Variants in GPHN observed in about 807,000 individuals in gnomAD.
The protein encoded by GPHN is gephyrin.
GPHN carries 17 observed loss-of-function variants against 95.5 expected under a neutral mutation model. The observed-to-expected ratio is 0.18, with a 90% CI of 0.12 to 0.27. The LOEUF (loss-of-function observed/expected upper bound fraction) is 0.27. Among genes scored for constraint, GPHN ranks in the 10% least tolerant of loss-of-function variants. The probability of loss-of-function intolerance (pLI) is 1.00; values close to 1 mark genes in which losing one functional copy is unlikely to be tolerated. For missense variants in GPHN, 660 were observed against 978.1 expected, an observed-to-expected ratio of 0.67 and a Z score of 4.34; for synonymous variants, 320 against 322.5, an observed-to-expected ratio of 0.99 and a Z score of 0.08.
At chr14:67,017,338 G>A (rs2073370904) in intron 9 of GPHN, among the ~76,000 whole-genome samples, 1 of 152,072 alleles carries the variant, frequency 6.6e-6, no homozygotes, top group African/African-American at 2.4e-5. Flanking sequence ...GAAATAGAAT[G>A]TAAGAGTCTA....
At chr14:66,889,803 AAT>A (rs1341779624) in intron 5 of GPHN, among the ~76,000 whole-genome samples, 2 of 152,086 alleles carry the variant, frequency 1.3e-5, no homozygotes, top group Non-Finnish European at 2.9e-5. Flanking sequence ...ATCAAAAAAC[AAT>A]AGAGAAAATC....
the GPHN span, among the ~76,000 whole-genome samples, chr14:67,192,687 A>T: frequency 3.3e-5 from 5 of 151,680 alleles, no homozygotes; most frequent in Non-Finnish European, 5.9e-5. Flanking sequence ...AAATAGCTTG[A>T]CACCATGATT....
intron 9 of GPHN, among the ~76,000 whole-genome samples, chr14:66,978,807 GA>G (rs2070440702): frequency 6.6e-6 from 1 of 152,106 alleles, no homozygotes; most frequent in Admixed American, 6.5e-5. Context: ...TCAATTATAG[GA>G]ATTACTATAT....
chr14:67,640,274 G>A, the GPHN span, among the ~76,000 whole-genome samples: 1 of 152,026 alleles, frequency 6.6e-6, no homozygotes, highest in South Asian at 2.1e-4. Flanking sequence ...CCTTTTATAT[G>A]ACTATTTCTT....
At chr14:67,722,259 C>T in the GPHN span, among the ~76,000 whole-genome samples, 3 of 152,158 alleles carry the variant, frequency 2.0e-5, no homozygotes, top group South Asian at 6.2e-4. Flanking sequence ...TCTATATATT[C>T]CATCTTGCAG....
intron 16 of GPHN, among the ~76,000 whole-genome samples, chr14:67,120,370 T>A (rs2078953501): frequency 6.6e-6 from 1 of 152,230 alleles, no homozygotes; most frequent in Admixed American, 6.5e-5. Context: ...AGCCTTATAC[T>A]CTTCCATTTA....
the GPHN span, chr14:67,340,253 G>C: frequency 5.5e-6 from 3 of 544,952 alleles, no homozygotes; most frequent in Non-Finnish European, 9.7e-6. Context: ...CATGTTATAG[G>C]TACATGTAAA....
At chr14:67,712,053 G>A in the GPHN span, among the ~76,000 whole-genome samples, 4 of 152,044 alleles carry the variant, frequency 2.6e-5, no homozygotes, top group Non-Finnish European at 4.4e-5. Flanking sequence ...CTGAGTAGTT[G>A]GGATTACAGA....
intron 1 of GPHN, among the ~76,000 whole-genome samples, chr14:66,543,974 C>G (rs1164082230): frequency 6.6e-6 from 1 of 152,188 alleles, no homozygotes; most frequent in African/African-American, 2.4e-5. Flanking sequence ...TCTCCAGTGG[C>G]TCTTCATTTC....
the GPHN span, chr14:67,559,561 C>A: frequency 3.7e-6 from 5 of 1,348,926 alleles, no homozygotes; most frequent in African/African-American, 5.8e-5. Context: ...GTCAGTCACT[C>A]TCCTGGTGAT....
chr14:66,623,174 G>A (rs148477187), intron 1 of GPHN, among the ~76,000 whole-genome samples: 1,900 of 152,214 alleles, frequency 0.012, 23 homozygotes, highest in Non-Finnish European at 0.019. Flanking sequence ...TATGGCAGTG[G>A]ACAAAGAGAG....
the GPHN span, chr14:67,729,918 T>C: frequency 4.7e-6 from 2 of 425,376 alleles, no homozygotes; most frequent in East Asian, 7.0e-5. Flanking sequence ...GGGTGAAATC[T>C]CTTTCCCATT....
In GPHN at chr14:67,180,883, C is replaced by T. The variant is rs1443875641; in HGVS notation, c.2256C>T (p.Tyr752=). The T allele has an allele frequency of 8.1e-6, 13 of 1,613,750 alleles. No homozygotes were observed. Among genetic ancestry groups the T allele is most frequent in the African/African-American group, 6.7e-5 (5 of 74,902 alleles). The part of the protein sequence containing the change: ...LLMLPPKTEQ[Y]VELHKGEVVD... ...TGCTACCTCCAAAGACAGAACAGTACGTGGAGCTCCACAAAGGCGAGGTGG... is the reference window on the plus strand; with the variant it reads ...TGCTACCTCCAAAGACAGAACAGTATGTGGAGCTCCACAAAGGCGAGGTGG... The change falls in exon 23 of 23, where the codon TAC becomes TAT. Residue 752 remains tyrosine, a synonymous_variant. Transcript: ENST00000478722.
chr14:67,020,099 T>G (rs1277387721), intron 9 of GPHN, among the ~76,000 whole-genome samples: 4 of 152,174 alleles, frequency 2.6e-5, no homozygotes, highest in African/African-American at 9.7e-5. Context: ...GGTCACAGAT[T>G]AAATCTTCTG....
intron 9 of GPHN, among the ~76,000 whole-genome samples, chr14:67,013,299 A>C (rs965717848): frequency 6.6e-6 from 1 of 152,096 alleles, no homozygotes; most frequent in Non-Finnish European, 1.5e-5. Flanking sequence ...TGCTGAAAAG[A>C]GGATTCGCTA....
chr14:67,516,392 C>A, the GPHN span, among the ~76,000 whole-genome samples: 1 of 123,920 alleles, frequency 8.1e-6, no homozygotes, highest in Non-Finnish European at 1.9e-5. Context: ...TTCAACCTAG[C>A]TGGAGAGGGG....
chr14:67,193,340 ATC>A, the GPHN span, among the ~76,000 whole-genome samples: 58 of 138,184 alleles, frequency 4.2e-4, no homozygotes, highest in Non-Finnish European at 8.0e-4. Context: ...CTATATAGAT[ATC>A]TATCTATATA....
At chr14:67,687,782 T>C in the GPHN span, among the ~76,000 whole-genome samples, 1 of 148,584 alleles carries the variant, frequency 6.7e-6, no homozygotes, top group Non-Finnish European at 1.5e-5. Context: ...TTTTTTTTTT[T>C]CATTTTTTCA....
intron 4 of GPHN, among the ~76,000 whole-genome samples, chr14:66,844,346 TAC>T (rs1201017099): frequency 2.6e-5 from 4 of 152,180 alleles, no homozygotes; most frequent in South Asian, 2.1e-4. Context: ...CTGTAAAACT[TAC>T]AGTCTTATTT....
Sources: allele counts gnomAD v4.1 joint callset (sites outside exome capture counted in the v4.1 genomes callset), GRCh38; gene constraint gnomAD v4.1.1; transcripts MANE v1.5; gene names NCBI Gene and HGNC (gene_info 2026-07-23, HGNC 2026-07-21).